RARB: variants seen among roughly 807,000 people sequenced by gnomAD.
The protein encoded by RARB is retinoic acid receptor beta.
A neutral mutation model predicts 51.9 loss-of-function variants in RARB; 17 were observed. The observed-to-expected ratio is 0.33, with a 90% CI of 0.22 to 0.49. The LOEUF is 0.49. Among genes scored for constraint, RARB ranks in the 20% least tolerant of loss-of-function variants. The probability of loss-of-function intolerance (pLI) is 0.99; values close to 1 mark genes in which losing one functional copy is unlikely to be tolerated. For synonymous variants in RARB, 215 were observed against 195.4 expected (o/e 1.10, Z -0.84); for missense variants, 369 against 550.8 (o/e 0.67, Z 3.30).
chr3:25,404,354 C>T (rs778501644), intron 5 of RARB, among the ~76,000 whole-genome samples: 1 of 152,196 alleles, frequency 6.6e-6, no homozygotes, highest in Non-Finnish European at 1.5e-5. Context: ...CAGTAACTCA[C>T]TCCTTGGTAG....
chr3:25,296,547 A>C (rs1392370284), intron 5 of RARB, among the ~76,000 whole-genome samples: 8 of 152,212 alleles, frequency 5.3e-5, no homozygotes, highest in African/African-American at 1.9e-4. Context: ...GGTAGCCAGC[A>C]GGTAGTAAAC....
intron 5 of RARB, among the ~76,000 whole-genome samples, chr3:25,222,940 A>G (rs1701978013): frequency 6.6e-6 from 1 of 152,124 alleles, no homozygotes; most frequent in African/African-American, 2.4e-5. Context: ...AATGAATAGG[A>G]TTTTTTTCTA....
intron 5 of RARB, among the ~76,000 whole-genome samples, chr3:25,179,215 T>A (rs979531453): frequency 2.0e-5 from 3 of 152,228 alleles, no homozygotes; most frequent in African/African-American, 7.2e-5. Flanking sequence ...AGAGCTTTGT[T>A]ACCTAGCTTG....
At chr3:25,579,976 C>T (rs576530071) in intron 4 of RARB, among the ~76,000 whole-genome samples, 3 of 152,226 alleles carry the variant, frequency 2.0e-5, no homozygotes, top group Non-Finnish European at 2.9e-5. Context: ...GGTGACTCCT[C>T]ATTCCTTTCT....
chr3:24,871,748 C>T (rs1185007548), intron 2 of RARB, among the ~76,000 whole-genome samples: 1 of 152,132 alleles, frequency 6.6e-6, no homozygotes, highest in Non-Finnish European at 1.5e-5. Context: ...TGAACACACC[C>T]CAGACCTGCA....
In RARB at chr3:25,456,682, TAGAGAGAGAG is replaced by T. The variant is rs201238732; in HGVS notation, c.158-4484_158-4475del. ...TTGAATATATATATATATATATATA[TAGAGAGAGAG>T]AGAGAGAGAGAGAGAGAGAGAGAGA... On this transcript the variant is annotated intron_variant, in intron 1 of 7. Coordinates refer to ENST00000330688, the MANE Select transcript of RARB (RefSeq NM_000965.5). Among the ~76,000 whole-genome samples the T allele has an allele frequency of 8.0e-4, 71 of 88,352 alleles. No homozygotes were observed. The East Asian group carries it at 0.01, about 12-fold the overall frequency. 58.0% of individuals were successfully genotyped at this position (88,352 alleles called of 152,430 possible). A position where few individuals can be genotyped will look rare whatever the true frequency, so the allele number is the denominator to read the frequency against.
chr3:25,013,705 G>A (rs1697446453), intron 2 of RARB, among the ~76,000 whole-genome samples: 1 of 152,094 alleles, frequency 6.6e-6, no homozygotes, highest in South Asian at 2.1e-4. Flanking sequence ...GGTACTGACA[G>A]AGAAGTGAGA....
chr3:25,296,918 T>A (rs1023460208), intron 5 of RARB, among the ~76,000 whole-genome samples: 1 of 152,186 alleles, frequency 6.6e-6, no homozygotes, highest in Non-Finnish European at 1.5e-5. Context: ...TGAGAAGATA[T>A]GCCTTCAGTG....
At chr3:25,030,940 C>A (rs1697860693) in intron 2 of RARB, among the ~76,000 whole-genome samples, 2 of 152,186 alleles carry the variant, frequency 1.3e-5, no homozygotes, top group African/African-American at 4.8e-5. Context: ...ATATTCTCAT[C>A]CCCAGGTATT....
intron 5 of RARB, among the ~76,000 whole-genome samples, chr3:25,360,325 T>G (rs1705890793): frequency 6.6e-6 from 1 of 152,246 alleles, no homozygotes; most frequent in African/African-American, 2.4e-5. Flanking sequence ...TCCATTTGCT[T>G]GGTAAATCTT....
chr3:25,509,372 A>G (rs984592658), intron 3 of RARB, among the ~76,000 whole-genome samples: 1 of 152,298 alleles, frequency 6.6e-6, no homozygotes, highest in East Asian at 1.9e-4. Flanking sequence ...TTTTGGTGAC[A>G]CAGTTTGGTT....
chr3:25,516,230 A>G (rs1698153631), intron 3 of RARB, among the ~76,000 whole-genome samples: 1 of 152,152 alleles, frequency 6.6e-6, no homozygotes, highest in Admixed American at 6.5e-5. Flanking sequence ...TTTCTTTACA[A>G]CTTGTTATAT....
At chr3:25,549,956 T>C (rs900985286) in intron 3 of RARB, among the ~76,000 whole-genome samples, 4 of 152,172 alleles carry the variant, frequency 2.6e-5, no homozygotes, top group African/African-American at 9.7e-5. Context: ...AGATTTTCTA[T>C]AGACTGATGA....
intron 1 of RARB, among the ~76,000 whole-genome samples, chr3:24,857,611 C>T (rs1379689085): frequency 6.6e-6 from 1 of 152,144 alleles, no homozygotes; most frequent in Non-Finnish European, 1.5e-5. Context: ...ACTAGTTACT[C>T]CTCTTTAACT....
chr3:24,972,871 C>T (rs922912581), intron 2 of RARB, among the ~76,000 whole-genome samples: 11 of 151,854 alleles, frequency 7.2e-5, no homozygotes, highest in African/African-American at 2.7e-4. Flanking sequence ...GCTCTTTATT[C>T]TGGTTAATAA....
chr3:25,569,970 G>C (rs892896546), intron 4 of RARB, 52 bp downstream of exon 4: 2 of 1,522,412 alleles, frequency 1.3e-6, no homozygotes, highest in African/African-American at 2.9e-5. Context: ...CCTTGTACGT[G>C]CATGTGTGCA....
rs767599845 is a variant in RARB at position 24,912,027 on chromosome 3, G to C, written c.-380+53275G>C. The stretch of plus-strand genomic sequence containing the variant: ...CAATGATAAAAAAACATGAGCATGG[G>C]ACCTCAGAACCATTTTTAGCGACAT... On this transcript the variant is annotated intron_variant, in intron 2 of 11. Coordinates refer to the RARB transcript ENST00000383772. Among the ~76,000 whole-genome samples, 317 of 152,314 alleles carry C rather than the reference G, an allele frequency of 2.1e-3. 7 individuals are homozygous for C. The highest frequency in any genetic ancestry group is 2.1e-4 in the Non-Finnish European group (14 of 68,026).
At chr3:25,244,954 A>T (rs1191183567) in intron 5 of RARB, among the ~76,000 whole-genome samples, 1 of 152,052 alleles carries the variant, frequency 6.6e-6, no homozygotes, top group East Asian at 1.9e-4. Flanking sequence ...CTCTTTGTAG[A>T]TCTCTAAGAA....
At position 25,109,686 on chromosome 3, in the gene RARB, C is replaced by G. The variant is rs73047733; in HGVS notation, c.-327-22475C>G. ...CTCTGCCTATGGGGACACTAGAGACCAACTGGGAGGCAGGATAACCAAAAA... is the reference window on the plus strand; with the variant it reads ...CTCTGCCTATGGGGACACTAGAGACGAACTGGGAGGCAGGATAACCAAAAA... On this transcript the variant is annotated intron_variant, in intron 3 of 11. Coordinates refer to the RARB transcript ENST00000383772. Among the ~76,000 whole-genome samples, 1,187 of 152,268 alleles carry G rather than the reference C, an allele frequency of 7.8e-3. 4 individuals are homozygous for G. Among genetic ancestry groups the G allele is most frequent in the Middle Eastern group, 0.024 (7 of 294 alleles).
Sources: allele counts gnomAD v4.1 joint callset (sites outside exome capture counted in the v4.1 genomes callset), GRCh38; gene constraint gnomAD v4.1.1; transcripts MANE v1.5; gene names NCBI Gene and HGNC (gene_info 2026-07-23, HGNC 2026-07-21).